REEP1: variants seen among roughly 807,000 people sequenced by gnomAD.
REEP1 encodes receptor expression-enhancing protein 1.
REEP1 carries 22 observed loss-of-function variants against 40.3 expected under a neutral mutation model. The ratio of observed to expected loss-of-function variants is 0.55; its 90% CI spans 0.39 to 0.78. The LOEUF (loss-of-function observed/expected upper bound fraction) is 0.78. REEP1 is among the 30% of genes least tolerant of loss of function. The probability of loss-of-function intolerance (pLI) is 0.00; values close to 1 mark genes in which losing one functional copy is unlikely to be tolerated. For missense variants in REEP1, 280 were observed against 361.1 expected (o/e 0.78, Z 1.82); for synonymous variants, 116 against 139.2 (o/e 0.83, Z 1.17).
At chr2:86,285,808 C>T (rs898483473) in intron 1 of REEP1, among the ~76,000 whole-genome samples, 1 of 152,188 alleles carries the variant, frequency 6.6e-6, no homozygotes, top group African/African-American at 2.4e-5. Context: ...CTCCAAGGAA[C>T]TCAGCCCACT....
At chr2:86,295,039 A>T (rs1022607652) in intron 1 of REEP1, among the ~76,000 whole-genome samples, 8 of 151,750 alleles carry the variant, frequency 5.3e-5, no homozygotes, top group South Asian at 2.1e-4. Context: ...AACCTATTTT[A>T]AAAAAAAAGA....
At chr2:86,334,058 C>T (rs1314689382) in intron 1 of REEP1, among the ~76,000 whole-genome samples, 1 of 152,228 alleles carries the variant, frequency 6.6e-6, no homozygotes, top group African/African-American at 2.4e-5. Flanking sequence ...CTAGGATTTC[C>T]TTCAACACAA....
At chr2:86,332,375 C>T (rs542278528) in intron 1 of REEP1, among the ~76,000 whole-genome samples, 13 of 151,516 alleles carry the variant, frequency 8.6e-5, no homozygotes, top group Non-Finnish European at 1.3e-4. Context: ...AAAGGTGCCA[C>T]GTGCTATGGC....
At chr2:86,280,364 A>G (rs1336726504) in intron 2 of REEP1, among the ~76,000 whole-genome samples, 2 of 152,222 alleles carry the variant, frequency 1.3e-5, no homozygotes, top group Non-Finnish European at 2.9e-5. Flanking sequence ...ATGAATTGCC[A>G]TTCTAGTCAT....
Position 86,322,638 on chromosome 2 carries a change from G to A in REEP1, c.32+14841C>T, listed in dbSNP as rs569865901. ...GCTAATTTTTGTATTTATTTTGGTA[G>A]AGACAGGTTTTCAGCATGTTGTCCA... On this transcript the variant is annotated intron_variant, in intron 1 of 8. Transcript: ENST00000538924. Among the ~76,000 whole-genome samples, 6 of 152,204 alleles carry A rather than the reference G, an allele frequency of 3.9e-5. No homozygotes were observed. The East Asian group carries it at 1.2e-3, about 29-fold the overall frequency.
At chr2:86,218,869 G>A (rs1164976676) in intron 8 of REEP1, among the ~76,000 whole-genome samples, 1 of 152,262 alleles carries the variant, frequency 6.6e-6, no homozygotes, top group Non-Finnish European at 1.5e-5. Flanking sequence ...AGTGTCTGCA[G>A]AAGGGAACAT....
chr2:86,264,298 G>A (rs7583297), intron 2 of REEP1, among the ~76,000 whole-genome samples: 1 of 152,046 alleles, frequency 6.6e-6, no homozygotes, highest in Non-Finnish European at 1.5e-5. Flanking sequence ...GGAGACCTGC[G>A]GACCAAGAGT....
intron 1 of REEP1, among the ~76,000 whole-genome samples, chr2:86,335,902 A>ATGAT (rs1294919990): frequency 5.6e-5 from 8 of 143,484 alleles, no homozygotes; most frequent in Non-Finnish European, 1.1e-4. Flanking sequence ...AATAAAACTA[A>ATGAT]TGATAGTCAC....
chr2:86,283,309 G>T (rs1287347105), intron 1 of REEP1, among the ~76,000 whole-genome samples: 1 of 152,182 alleles, frequency 6.6e-6, no homozygotes, highest in Non-Finnish European at 1.5e-5. Context: ...CGAGCTGGAG[G>T]TTTAATCTTT....
chr2:86,228,652 T>C (rs1270150150), intron 6 of REEP1, among the ~76,000 whole-genome samples: 1 of 152,036 alleles, frequency 6.6e-6, no homozygotes, highest in African/African-American at 2.4e-5. Flanking sequence ...GAGACAGGGT[T>C]TCTCTGTGTT....
chr2:86,316,720 G>A (rs532447416), intron 1 of REEP1, among the ~76,000 whole-genome samples: 7 of 151,842 alleles, frequency 4.6e-5, no homozygotes, highest in African/African-American at 1.4e-4. Context: ...CTAGCTGGGC[G>A]TGGTGGTGCA....
intron 2 of REEP1, among the ~76,000 whole-genome samples, chr2:86,271,948 C>T (rs10206656): frequency 0.043 from 6,514 of 152,248 alleles, 473 homozygotes; most frequent in African/African-American, 0.15. Context: ...CTTGGCCAGG[C>T]GTGGTGGGTC....
chr2:86,246,598 T>C (rs1675968035), intron 5 of REEP1, among the ~76,000 whole-genome samples: 1 of 152,198 alleles, frequency 6.6e-6, no homozygotes. Context: ...TGGTTCAAAC[T>C]GCAAGGGAAG....
chr2:86,228,906 T>A (rs1194415816), intron 6 of REEP1, among the ~76,000 whole-genome samples: 1 of 152,268 alleles, frequency 6.6e-6, no homozygotes. Context: ...TTACTTTGCA[T>A]GATAGGCATA....
intron 1 of REEP1, among the ~76,000 whole-genome samples, chr2:86,330,453 GTGTGTGTGT>G (rs1238417894): frequency 4.7e-5 from 7 of 148,508 alleles, no homozygotes; most frequent in African/African-American, 1.7e-4. Context: ...GTGTGTGTGT[GTGTGTGTGT>G]TAAGACAGGG....
At chr2:86,335,002 T>C (rs1476082512) in intron 1 of REEP1, among the ~76,000 whole-genome samples, 1 of 152,220 alleles carries the variant, frequency 6.6e-6, no homozygotes, top group African/African-American at 2.4e-5. Context: ...ATTTGAACCA[T>C]GGGCGTTCTG....
chr2:86,324,587 C>T (rs747857390), intron 1 of REEP1, among the ~76,000 whole-genome samples: 1 of 152,172 alleles, frequency 6.6e-6, no homozygotes, highest in African/African-American at 2.4e-5. Flanking sequence ...TGGTGGAGCA[C>T]TTGCCAAGCC....
intron 3 of REEP1, among the ~76,000 whole-genome samples, chr2:86,256,777 G>A (rs147171826): frequency 3.0e-4 from 45 of 152,140 alleles, no homozygotes; most frequent in African/African-American, 5.1e-4. Flanking sequence ...ACCCACACTC[G>A]CTTAAAACAA....
rs566130472 is a variant in REEP1 at position 86,231,235 on chromosome 2, G to C, written c.595+1390C>G. Among the ~76,000 whole-genome samples, 277 of 152,284 alleles carry C rather than the reference G, an allele frequency of 1.8e-3. 1 individual carries two copies. The highest frequency in any genetic ancestry group is 5.9e-3 in the African/African-American group (247 of 41,558). On this transcript the variant is annotated intron_variant, in intron 6 of 8. Coordinates refer to ENST00000538924, the MANE Select transcript of REEP1 (RefSeq NM_001371279.1). ...TGGCCTTTTGGGATTCCATTCCTGG[G>C]GGGGGGTCCCTCGGGGGGTAACCCC...
Sources: allele counts gnomAD v4.1 joint callset (sites outside exome capture counted in the v4.1 genomes callset), GRCh38; gene constraint gnomAD v4.1.1; transcripts MANE v1.5; gene names NCBI Gene and HGNC (gene_info 2026-07-23, HGNC 2026-07-21).